The following CNNM2 variants were observed in gnomAD, a reference collection of about 807,000 sequenced individuals.
CNNM2 encodes metal transporter CNNM2.
Under a neutral mutation model 66.9 loss-of-function variants are expected in CNNM2, and 12 were observed. The ratio of observed to expected loss-of-function variants is 0.18; its 90% CI spans 0.11 to 0.29. The LOEUF is 0.29. Ranked by LOEUF, CNNM2 falls within the 10% of genes least tolerant of loss-of-function variation. The pLI is 1.00. For synonymous variants in CNNM2, 557 were observed against 501.8 expected (o/e 1.11, Z -1.47); for missense variants, 705 against 1,167.7 (o/e 0.60, Z 5.77).
At chr10:103,024,976 T>C in intron 1 of CNNM2, among the ~76,000 whole-genome samples, 1 of 152,198 alleles carries the variant, frequency 6.6e-6, no homozygotes, top group Non-Finnish European at 1.5e-5. Context: ...TGAAATATAT[T>C]TTGGTGTGCA....
chr10:102,930,950 A>G lies in CNNM2; in HGVS notation c.1621+10849A>G, dbSNP rs1246560941. Among the ~76,000 whole-genome samples, 2 of 152,170 alleles carry G rather than the reference A, an allele frequency of 1.3e-5. 1 individual carries two copies. The highest frequency in any genetic ancestry group is 3.8e-4 in the East Asian group (2 of 5,202). On this transcript the variant is annotated intron_variant, in intron 1 of 7. Coordinates refer to ENST00000369878, the MANE Select transcript of CNNM2 (RefSeq NM_017649.5). ...TTTATCCACTCATCAGTTGATGGGC[A>G]TTTCGATTGTTTCCACTTTTTGCCT...
At chr10:103,068,808 C>T in intron 5 of CNNM2, 86 bp downstream of exon 5, 6 of 1,043,332 alleles carry the variant, frequency 5.8e-6, no homozygotes, top group South Asian at 1.6e-5. Flanking sequence ...CTGTATCTGC[C>T]AGCTGACCCC....
At chr10:102,929,302 A>G (rs1267064318) in intron 1 of CNNM2, among the ~76,000 whole-genome samples, 3 of 152,298 alleles carry the variant, frequency 2.0e-5, no homozygotes, top group Non-Finnish European at 4.4e-5. Flanking sequence ...GCAGTGGCTC[A>G]TGTCTGTAAT....
chr10:102,944,661 C>G (rs1183095932), intron 1 of CNNM2, among the ~76,000 whole-genome samples: 1 of 150,046 alleles, frequency 6.7e-6, no homozygotes, highest in African/African-American at 2.4e-5. Flanking sequence ...AAGTAGGTTG[C>G]AGACATCATG....
At chr10:102,997,403 G>A (rs922912158) in intron 1 of CNNM2, among the ~76,000 whole-genome samples, 1 of 152,114 alleles carries the variant, frequency 6.6e-6, no homozygotes, top group Admixed American at 6.6e-5. Flanking sequence ...GTTTGAAGAT[G>A]CATGTTCTTT....
chr10:103,068,423 T>G, intron 4 of CNNM2: 1 of 571,116 alleles, frequency 1.8e-6, no homozygotes, highest in African/African-American at 1.9e-5. Flanking sequence ...CACTGTCACC[T>G]CTGTATAATC....
chr10:102,918,738 G>T lies in CNNM2; in HGVS notation c.258G>T (p.Ser86=), dbSNP rs770856826. 1 of 1,584,136 alleles carries T rather than the reference G, an allele frequency of 6.3e-7. No individual in the cohort carries two copies. Among genetic ancestry groups the T allele is most frequent in the Non-Finnish European group, 8.6e-7 (1 of 1,166,088 alleles). Residue 86 remains serine, a synonymous_variant, in exon 1 of 8, where the codon TCG becomes TCT. Coordinates refer to ENST00000369878, the MANE Select transcript of CNNM2 (RefSeq NM_017649.5). This position sits in a 1 kb window ranked among gnomAD's most constrained non-coding sequence, Gnocchi z 4.1. ...GACTGGAGGACACGAACGACGTGTC[G>T]TTCATGGAAGGGGGGGCGCTGCGGG... ...GLRLEDTNDV[S]FMEGGALRVS... is the part of the protein sequence containing the mutation.
chr10:102,958,663 G>T (rs1847142485), intron 1 of CNNM2, among the ~76,000 whole-genome samples: 1 of 151,378 alleles, frequency 6.6e-6, no homozygotes, highest in African/African-American at 2.4e-5. Flanking sequence ...TAGAGACGGG[G>T]TTTCACTATA....
At chr10:103,069,127 A>G (rs2065530561) in intron 5 of CNNM2, among the ~76,000 whole-genome samples, 2 of 152,158 alleles carry the variant, frequency 1.3e-5, no homozygotes, top group South Asian at 4.1e-4. Flanking sequence ...TGCTTGTCAC[A>G]TCACCTCTGT....
At position 102,919,827 on chromosome 10, in the gene CNNM2, G is replaced by A. The variant is rs1048600759; in HGVS notation, c.1347G>A (p.Val449=). 1.9e-6 allele frequency: 3 copies of A among 1,614,112 alleles called. No homozygotes were observed. In the African/African-American group the frequency reaches 4.0e-5, roughly 22 times the overall value. ...LELRTKTVED[V]MTPLRDCFMI... ...TCCGCACCAAGACGGTGGAGGACGT[G>A]ATGACCCCACTCCGGGACTGCTTCA... Residue 449 remains valine, a synonymous_variant, in exon 1 of 8, where the codon GTG becomes GTA. Transcript: ENST00000369878.
At chr10:103,000,983 A>G (rs573616253) in intron 1 of CNNM2, among the ~76,000 whole-genome samples, 9 of 152,356 alleles carry the variant, frequency 5.9e-5, no homozygotes, top group African/African-American at 1.7e-4. Context: ...GTATTTACCA[A>G]CAATGGAATA....
intron 1 of CNNM2, among the ~76,000 whole-genome samples, chr10:103,023,379 C>T (rs1242428931): frequency 6.6e-6 from 1 of 152,118 alleles, no homozygotes; most frequent in African/African-American, 2.4e-5. Flanking sequence ...ATGGTGAAAC[C>T]CCATCTCTAC....
intron 1 of CNNM2, among the ~76,000 whole-genome samples, chr10:103,015,344 A>G (rs1051801405): frequency 6.6e-6 from 1 of 152,190 alleles, no homozygotes; most frequent in East Asian, 1.9e-4. Flanking sequence ...TTTGACCACA[A>G]TCTCTTACCT....
At chr10:103,053,069 T>C (rs1169433797) in intron 2 of CNNM2, among the ~76,000 whole-genome samples, 1 of 152,206 alleles carries the variant, frequency 6.6e-6, no homozygotes, top group African/African-American at 2.4e-5. Context: ...AGCTCGTTTT[T>C]TCTTGATCAT....
intron 1 of CNNM2, among the ~76,000 whole-genome samples, chr10:102,993,926 C>A (rs2063940615): frequency 6.6e-6 from 1 of 151,914 alleles, no homozygotes; most frequent in South Asian, 2.1e-4. Context: ...GGCTTTATGT[C>A]AAAATCTTTT....
chr10:102,948,867 C>T (rs1846715736), intron 1 of CNNM2, among the ~76,000 whole-genome samples: 1 of 142,886 alleles, frequency 7.0e-6, no homozygotes, highest in African/African-American at 2.6e-5. Context: ...TTACCAACCC[C>T]CCTTTCAATG....
Position 103,004,842 on chromosome 10 carries a change from G to A in CNNM2, c.1622-44865G>A, listed in dbSNP as rs567392585. Among the ~76,000 whole-genome samples, 74 of 152,124 alleles carry A rather than the reference G, an allele frequency of 4.9e-4. No homozygotes were observed. The South Asian group carries it at 0.014, about 29-fold the overall frequency. Reference sequence around the variant, plus strand: ...GTGTTTTCACATAAATTTTATAATTGGTATCAGTTTCCACATACAACCTGC... The same window carrying A: ...GTGTTTTCACATAAATTTTATAATTAGTATCAGTTTCCACATACAACCTGC... On this transcript the variant is annotated intron_variant, in intron 1 of 7. Transcript: ENST00000369878.
chr10:102,999,237 A>ATTTTTTTTTTT (rs776992441), intron 1 of CNNM2, among the ~76,000 whole-genome samples: 1 of 128,942 alleles, frequency 7.8e-6, no homozygotes, highest in Admixed American at 8.1e-5. Flanking sequence ...TGCCCGGCTA[A>ATTTTTTTTTTT]TTTTTTTTTT....
At chr10:102,958,041 A>G (rs1733843615) in intron 1 of CNNM2, among the ~76,000 whole-genome samples, 1 of 152,048 alleles carries the variant, frequency 6.6e-6, no homozygotes, top group Non-Finnish European at 1.5e-5. Context: ...GGTTCAAGCG[A>G]TTTTCCTGCC....
Sources: allele counts gnomAD v4.1 joint callset (sites outside exome capture counted in the v4.1 genomes callset), GRCh38; gene constraint gnomAD v4.1.1; non-coding constraint Gnocchi (gnomAD v3.1); transcripts MANE v1.5; gene names NCBI Gene and HGNC (gene_info 2026-07-23, HGNC 2026-07-21).